KCNC2: variants seen among roughly 807,000 people sequenced by gnomAD.
The protein encoded by KCNC2 is voltage-gated potassium channel KCNC2.
In KCNC2, 21 loss-of-function variants were observed where a neutral mutation model predicts 44.5. The observed-to-expected ratio is 0.47, with a 90% CI of 0.33 to 0.68. KCNC2 has a LOEUF of 0.68. Ranked by LOEUF, KCNC2 falls within the 30% of genes least tolerant of loss-of-function variation. The pLI, the probability that KCNC2 is intolerant of heterozygous loss-of-function variation, is 0.01. For missense variants in KCNC2, 589 were observed against 826.2 expected (o/e 0.71, Z 3.52); for synonymous variants, 391 against 339.1 (o/e 1.15, Z -1.68).
At position 75,147,425 on chromosome 12, in the gene KCNC2, T is replaced by A. The variant is rs1325151108; in HGVS notation, c.687+59872A>T. Among the ~76,000 whole-genome samples, 2 of 152,168 alleles carry A rather than the reference T, an allele frequency of 1.3e-5. 1 individual carries two copies. The highest frequency in any genetic ancestry group is 2.9e-5 in the Non-Finnish European group (2 of 68,022). On this transcript the variant is annotated intron_variant, in intron 2 of 4. Transcript: ENST00000549446. ...TCATATTCACACTGAATATTAGGCT[T>A]TTCACTAGACCAACTTACGACCTAA...
rs751727295 is a variant in KCNC2, at chr12:75,069,762, G to C, written c.688-18445C>G. Among the ~76,000 whole-genome samples the C allele has an allele frequency of 5.9e-5, 9 of 152,134 alleles. 1 individual carries two copies. In the South Asian group the frequency reaches 6.2e-4, roughly 10 times the overall value. On this transcript the variant is annotated intron_variant, in intron 2 of 4. Transcript: ENST00000549446. ...TGCAGATCTAAGCATACAAACTTTG[G>C]GGATAAGTGAAGCTTTAATTTGATG...
intron 2 of KCNC2, among the ~76,000 whole-genome samples, chr12:75,109,051 T>A (rs1319821667): frequency 6.6e-6 from 1 of 152,194 alleles, no homozygotes; most frequent in Non-Finnish European, 1.5e-5. Flanking sequence ...CATTTCCTAA[T>A]GCAACAGTGG....
At chr12:75,195,359 G>GA (rs573787848) in intron 2 of KCNC2, among the ~76,000 whole-genome samples, 111 of 151,862 alleles carry the variant, frequency 7.3e-4, no homozygotes, top group African/African-American at 2.6e-3. Context: ...AAATATAAAA[G>GA]AAAAAAATCA....
chr12:75,149,417 T>A (rs1890238940), intron 2 of KCNC2, among the ~76,000 whole-genome samples: 1 of 151,874 alleles, frequency 6.6e-6, no homozygotes, highest in South Asian at 2.1e-4. Flanking sequence ...AAATGTTATG[T>A]AACCTGATAA....
At chr12:75,137,571 T>G (rs1889321659) in intron 2 of KCNC2, among the ~76,000 whole-genome samples, 1 of 152,224 alleles carries the variant, frequency 6.6e-6, no homozygotes, top group Non-Finnish European at 1.5e-5. Flanking sequence ...GTATTATAAT[T>G]AATATTTTGC....
At chr12:75,195,857 C>T (rs950400439) in intron 2 of KCNC2, among the ~76,000 whole-genome samples, 2 of 152,118 alleles carry the variant, frequency 1.3e-5, no homozygotes, top group African/African-American at 4.8e-5. Context: ...CTCAAGAGAA[C>T]TTGTCAAGCA....
chr12:75,196,737 A>C (rs568745387), intron 2 of KCNC2, among the ~76,000 whole-genome samples: 1 of 152,236 alleles, frequency 6.6e-6, no homozygotes, highest in South Asian at 2.1e-4. Context: ...CCATCTCAAA[A>C]TCAACTATCA....
At chr12:75,099,693 C>T (rs1189418789) in intron 2 of KCNC2, among the ~76,000 whole-genome samples, 1 of 152,102 alleles carries the variant, frequency 6.6e-6, no homozygotes, top group Non-Finnish European at 1.5e-5. Flanking sequence ...TACAAGATTT[C>T]TATTATCCTC....
At chr12:75,076,038 TACACACACACACACACACACACACAC>T (rs71078709) in intron 2 of KCNC2, among the ~76,000 whole-genome samples, 3 of 141,344 alleles carry the variant, frequency 2.1e-5, no homozygotes, top group Non-Finnish European at 4.7e-5. Context: ...TAATGTTACA[TACACACACACACACACACACACACAC>T]ACACACACAC....
intron 2 of KCNC2, among the ~76,000 whole-genome samples, chr12:75,139,043 C>A (rs1267523759): frequency 6.9e-6 from 1 of 144,670 alleles, no homozygotes; most frequent in Non-Finnish European, 1.5e-5. Flanking sequence ...AATGGGATAC[C>A]GGTTAGAGAA....
chr12:75,105,284 G>GA lies in KCNC2; in HGVS notation c.688-53968dup, dbSNP rs201213259. 4.5e-3 allele frequency among the ~76,000 whole-genome samples: 683 copies of GA among 150,490 alleles called. 3 individuals carry two copies. Among genetic ancestry groups the GA allele is most frequent in the African/African-American group, 0.012 (504 of 41,058 alleles). ...TAGCAAAGGGAACAGCAAGTGTAAT[G>GA]AAAAAAAAATGCTTAACTCATGAAT... is the stretch of plus-strand genomic sequence containing the variant. On this transcript the variant is annotated intron_variant, in intron 2 of 4. Transcript: ENST00000549446.
At chr12:75,074,921 A>T (rs889363883) in intron 2 of KCNC2, among the ~76,000 whole-genome samples, 1 of 152,154 alleles carries the variant, frequency 6.6e-6, no homozygotes, top group African/African-American at 2.4e-5. Context: ...CGGGAGGAAG[A>T]GCTTACTTGA....
At chr12:75,062,206 C>T (rs1326123359) in intron 2 of KCNC2, among the ~76,000 whole-genome samples, 1 of 152,026 alleles carries the variant, frequency 6.6e-6, no homozygotes, top group Non-Finnish European at 1.5e-5. Context: ...TTATAACATA[C>T]ATGTCTTCTC....
At chr12:75,190,113 A>G (rs922071580) in intron 2 of KCNC2, among the ~76,000 whole-genome samples, 6 of 152,106 alleles carry the variant, frequency 3.9e-5, no homozygotes, top group Non-Finnish European at 2.9e-5. Flanking sequence ...CATAATACCC[A>G]TTTATGAGGA....
rs1234573291 is a variant in KCNC2, at chr12:75,167,241, T to A, written c.687+40056A>T. Among the ~76,000 whole-genome samples the A allele has an allele frequency of 4.0e-5, 6 of 151,412 alleles. No individual in the cohort carries two copies. In the East Asian group the frequency reaches 1.2e-3, roughly 29 times the overall value. ...CAAACATATGGATGACCTTTTACTT[T>A]CTTTTTTTATTATCTTTAATTTTAT... is the stretch of plus-strand genomic sequence containing the variant. On this transcript the variant is annotated intron_variant, in intron 2 of 4. Coordinates refer to ENST00000549446, the MANE Select transcript of KCNC2 (RefSeq NM_139137.4).
intron 2 of KCNC2, among the ~76,000 whole-genome samples, chr12:75,166,647 C>T (rs1598964): frequency 0.21 from 31,192 of 150,868 alleles, 3,660 homozygotes; most frequent in African/African-American, 0.3. Context: ...TAGAAGTGTA[C>T]AATAGAGGCA....
At chr12:75,043,305 C>G in intron 4 of KCNC2, 64 bp from the exon 5 acceptor site, 1 of 1,561,004 alleles carries the variant, frequency 6.4e-7, no homozygotes, top group Non-Finnish European at 8.7e-7. Flanking sequence ...ACAAATAATA[C>G]CATGCAGGGC....
At chr12:75,177,599 C>T (rs1308907319) in intron 2 of KCNC2, among the ~76,000 whole-genome samples, 1 of 151,982 alleles carries the variant, frequency 6.6e-6, no homozygotes, top group African/African-American at 2.4e-5. Context: ...TTCTCTAACA[C>T]TCTGTGCTTA....
chr12:75,149,724 G>A (rs1890260133), intron 2 of KCNC2, among the ~76,000 whole-genome samples: 2 of 149,852 alleles, frequency 1.3e-5, no homozygotes, highest in Non-Finnish European at 1.5e-5. Flanking sequence ...TTAATTACCT[G>A]CTTTGAAAAA....
Sources: gnomAD v4.1 joint callset for allele counts (sites outside exome capture counted in the v4.1 genomes callset) on GRCh38, gnomAD v4.1.1 for gene constraint, MANE v1.5 for transcripts, NCBI Gene and HGNC (gene_info 2026-07-23, HGNC 2026-07-21) for gene names.